Variants in LCLAT1 observed in about 807,000 individuals in gnomAD.
LCLAT1 encodes the protein lysocardiolipin acyltransferase 1.
Under a neutral mutation model 30.7 loss-of-function variants are expected in LCLAT1, and 11 were observed. That is an observed-to-expected ratio of 0.36 (90% CI 0.23 to 0.59). The LOEUF is 0.59. LCLAT1 is among the 20% of genes least tolerant of loss of function. The probability of loss-of-function intolerance (pLI) is 0.77; values close to 1 mark genes in which losing one functional copy is unlikely to be tolerated. For missense variants in LCLAT1, 402 were observed against 458.6 expected (o/e 0.88, Z 1.13); for synonymous variants, 155 against 151.3 (o/e 1.02, Z -0.18).
At chr2:30,564,586 G>C (rs1364748580) in intron 4 of LCLAT1, among the ~76,000 whole-genome samples, 3 of 151,712 alleles carry the variant, frequency 2.0e-5, no homozygotes, top group African/African-American at 7.3e-5. Context: ...CTTTGCCAAG[G>C]AGAAAAAACA....
At chr2:30,596,715 C>T (rs1351934247) in intron 5 of LCLAT1, among the ~76,000 whole-genome samples, 1 of 149,308 alleles carries the variant, frequency 6.7e-6, no homozygotes, top group Non-Finnish European at 1.5e-5. Flanking sequence ...GAAATCTTTG[C>T]CCATGCTTAT....
intron 1 of LCLAT1, among the ~76,000 whole-genome samples, chr2:30,455,800 C>CGG: frequency 6.7e-6 from 1 of 149,860 alleles, no homozygotes; most frequent in Non-Finnish European, 1.5e-5. Flanking sequence ...GTCCTAGCTA[C>CGG]TTGGGAGGCT....
intron 4 of LCLAT1, among the ~76,000 whole-genome samples, chr2:30,564,426 T>C (rs1490017644): frequency 2.0e-5 from 3 of 152,076 alleles, no homozygotes; most frequent in Non-Finnish European, 4.4e-5. Flanking sequence ...TGTAAAACTT[T>C]TTTCATTCTG....
chr2:30,611,258 A>G (rs939018225), intron 5 of LCLAT1, among the ~76,000 whole-genome samples: 3 of 152,086 alleles, frequency 2.0e-5, no homozygotes, highest in African/African-American at 4.8e-5. Context: ...AATTAATTCT[A>G]TGAAACCAAA....
rs371228067 is a variant in LCLAT1, at chr2:30,614,298, C to T, written c.629-25819C>T. On this transcript the variant is annotated intron_variant, in intron 5 of 5. Transcript: ENST00000379509. ...GACACAGCACACGTTTCAGAGAGCA[C>T]GGGGTTGGGGGTAAGGTTATAGATT... Among the ~76,000 whole-genome samples the T allele has an allele frequency of 8.8e-5, 12 of 136,698 alleles. 1 individual carries two copies. Among genetic ancestry groups the T allele is most frequent in the African/African-American group, 3.3e-4 (12 of 35,846 alleles). 89.7% of individuals were successfully genotyped at this position (136,698 alleles called of 152,430 possible). A position where few individuals can be genotyped will look rare whatever the true frequency, so the allele number is the denominator to read the frequency against.
Position 30,533,211 on chromosome 2 carries a change from A to T in LCLAT1, c.261A>T (p.Thr87=). The change falls in exon 3 of 6, where the codon ACA becomes ACT. Residue 87 remains threonine, a synonymous_variant. Transcript: ENST00000379509. ...ERSVIIMNHR[T]RMDWMFLWNC... is the part of the protein sequence containing the mutation. ...GTGTCATTATCATGAACCATCGGACAAGAATGGACTGGATGTTCCTGTGGA... is the reference window on the plus strand; with the variant it reads ...GTGTCATTATCATGAACCATCGGACTAGAATGGACTGGATGTTCCTGTGGA... The T allele has an allele frequency of 6.2e-7, 1 of 1,614,040 alleles. No individual in the cohort carries two copies. The highest frequency in any genetic ancestry group is 1.1e-5 in the South Asian group (1 of 91,082).
intron 3 of LCLAT1, among the ~76,000 whole-genome samples, chr2:30,560,649 A>G (rs1665170023): frequency 6.6e-6 from 1 of 151,940 alleles, no homozygotes; most frequent in African/African-American, 2.4e-5. Flanking sequence ...GTGTGTATTT[A>G]ATCACTGGTA....
intron 1 of LCLAT1, among the ~76,000 whole-genome samples, chr2:30,520,141 T>C (rs1685405040): frequency 6.6e-6 from 1 of 152,118 alleles, no homozygotes; most frequent in Non-Finnish European, 1.5e-5. Flanking sequence ...TGGCCCAAGG[T>C]TCCATTCCTT....
rs1357929779 is a variant in LCLAT1, at chr2:30,533,302, G to A, written c.352G>A (p.Val118Ile). The A allele has an allele frequency of 4.3e-6, 7 of 1,613,782 alleles. No homozygotes were observed. In the African/African-American group the frequency reaches 6.7e-5, roughly 15 times the overall value. ...KICLKASLKG[V>I]PGFGWAMQAA... ...TTGCCTCAAAGCGAGTCTCAAAGGTGTTCCTGGATTTGGTAGGTTATTCAC... is the reference window on the plus strand; with the variant it reads ...TTGCCTCAAAGCGAGTCTCAAAGGTATTCCTGGATTTGGTAGGTTATTCAC... Residue 118 changes from valine to isoleucine, a missense_variant, in exon 3 of 6, where the codon GTT becomes ATT. By Grantham distance (29) the Val-to-Ile change is conservative. Transcript: ENST00000379509.
At chr2:30,538,240 G>A (rs1481132547) in intron 3 of LCLAT1, among the ~76,000 whole-genome samples, 1 of 152,072 alleles carries the variant, frequency 6.6e-6, no homozygotes, top group Non-Finnish European at 1.5e-5. Flanking sequence ...GCAGAACTAA[G>A]CAAAATAGAA....
intron 5 of LCLAT1, among the ~76,000 whole-genome samples, chr2:30,638,471 C>G (rs1669142123): frequency 6.6e-6 from 1 of 152,206 alleles, no homozygotes; most frequent in African/African-American, 2.4e-5. Flanking sequence ...TGATTTCTAT[C>G]AGCACAGATT....
At chr2:30,610,908 C>T (rs894918437) in intron 5 of LCLAT1, among the ~76,000 whole-genome samples, 2 of 151,952 alleles carry the variant, frequency 1.3e-5, no homozygotes, top group African/African-American at 2.4e-5. Context: ...ATTATTTCCT[C>T]ACCTGTTACC....
At chr2:30,637,169 A>C (rs1669076419) in intron 5 of LCLAT1, among the ~76,000 whole-genome samples, 1 of 152,194 alleles carries the variant, frequency 6.6e-6, no homozygotes, top group Non-Finnish European at 1.5e-5. Context: ...GAGGAAAGGC[A>C]CCTAAAACAA....
At chr2:30,528,886 G>C (rs1325364684) in intron 2 of LCLAT1, among the ~76,000 whole-genome samples, 1 of 152,056 alleles carries the variant, frequency 6.6e-6, no homozygotes, top group African/African-American at 2.4e-5. Flanking sequence ...CTTATAGCTA[G>C]GTTACAGAAA....
At chr2:30,542,370 A>G (rs1370248013) in intron 3 of LCLAT1, among the ~76,000 whole-genome samples, 1 of 152,072 alleles carries the variant, frequency 6.6e-6, no homozygotes, top group Non-Finnish European at 1.5e-5. Flanking sequence ...GGCAGGGTCA[A>G]TGATTATTTT....
chr2:30,543,126 G>A (rs755924445), intron 3 of LCLAT1, among the ~76,000 whole-genome samples: 1 of 151,926 alleles, frequency 6.6e-6, no homozygotes, highest in South Asian at 2.1e-4. Flanking sequence ...TCTTAATTAG[G>A]TTGAGGAGTT....
intron 5 of LCLAT1, among the ~76,000 whole-genome samples, chr2:30,638,507 G>T (rs1572730090): frequency 6.6e-6 from 1 of 152,182 alleles, no homozygotes; most frequent in African/African-American, 2.4e-5. Flanking sequence ...ATATGGTTCT[G>T]TAAGTAATCA....
At chr2:30,476,310 T>A (rs986316847) in intron 1 of LCLAT1, 1 of 447,454 alleles carries the variant, frequency 2.2e-6, no homozygotes, top group African/African-American at 2.0e-5. Flanking sequence ...GGTCACACAG[T>A]AAGTGTTGGA....
In LCLAT1 at chr2:30,520,158, C is replaced by T. The variant is rs145742264; in HGVS notation, c.-4-5429C>T. On this transcript the variant is annotated intron_variant, in intron 1 of 5. Coordinates refer to ENST00000379509, the MANE Select transcript of LCLAT1 (RefSeq NM_001002257.3). The stretch of plus-strand genomic sequence containing the variant: ...GCCCAAGGTTCCATTCCTTGGAATC[C>T]GTGAGGCCAAGAACCCCCCAGGTCA... 1.2e-4 allele frequency among the ~76,000 whole-genome samples: 18 copies of T among 152,084 alleles called. 1 individual carries two copies. The highest frequency in any genetic ancestry group is 9.2e-4 in the Admixed American group (14 of 15,270).
Sources: gnomAD v4.1 joint callset for allele counts (sites outside exome capture counted in the v4.1 genomes callset) on GRCh38, gnomAD v4.1.1 for gene constraint, MANE v1.5 for transcripts, NCBI Gene and HGNC (gene_info 2026-07-23, HGNC 2026-07-21) for gene names.